DYNC1I1: variants seen among roughly 807,000 people sequenced by gnomAD.
DYNC1I1 encodes dynein cytoplasmic 1 intermediate chain 1.
A neutral mutation model predicts 86.6 loss-of-function variants in DYNC1I1; 43 were observed. The observed-to-expected ratio is 0.50, with a 90% CI of 0.39 to 0.64. DYNC1I1 has a LOEUF of 0.64. Among genes scored for constraint, DYNC1I1 ranks in the 30% least tolerant of loss-of-function variants. The pLI is 0.00. For missense variants in DYNC1I1, 604 were observed against 788.8 expected, an observed-to-expected ratio of 0.77 and a Z score of 2.81; for synonymous variants, 262 against 283.7, an observed-to-expected ratio of 0.92 and a Z score of 0.77.
chr7:95,806,534 G>A (rs1374924447), intron 2 of DYNC1I1, among the ~76,000 whole-genome samples: 1 of 152,148 alleles, frequency 6.6e-6, no homozygotes, highest in African/African-American at 2.4e-5. Flanking sequence ...AGACATTCCT[G>A]GTTGTTGCCT....
intron 6 of DYNC1I1, among the ~76,000 whole-genome samples, chr7:95,940,790 C>G (rs1792189705): frequency 6.6e-6 from 1 of 152,240 alleles, no homozygotes; most frequent in African/African-American, 2.4e-5. Context: ...AAGCCTTCTT[C>G]TCTCAACTTG....
chr7:96,031,505 C>G (rs182328651), intron 11 of DYNC1I1, among the ~76,000 whole-genome samples: 1 of 152,140 alleles, frequency 6.6e-6, no homozygotes, highest in Non-Finnish European at 1.5e-5. Flanking sequence ...CAGGATACTA[C>G]GAAAACTGGC....
chr7:96,032,797 C>T lies in DYNC1I1; in HGVS notation c.1230+17C>T. 5 of 1,582,884 alleles carry T rather than the reference C, an allele frequency of 3.2e-6. No homozygotes were observed. The East Asian group carries it at 1.1e-4, about 35-fold the overall frequency. On this transcript the variant is annotated intron_variant, in intron 12 of 16. Coordinates refer to ENST00000447467, the MANE Select transcript of DYNC1I1 (RefSeq NM_001135556.2). ...ACTCCACAGGTGGGTTTGTTTTTCC[C>T]TACACATAACACCATCCTGGTTAAA...
intron 1 of DYNC1I1, among the ~76,000 whole-genome samples, chr7:95,779,283 A>T (rs951637896): frequency 6.6e-6 from 1 of 152,200 alleles, no homozygotes; most frequent in Non-Finnish European, 1.5e-5. Context: ...AAAAAGCACA[A>T]CATCTAAGAG....
At chr7:96,081,025 G>A (rs994566142) in intron 16 of DYNC1I1, among the ~76,000 whole-genome samples, 1 of 141,616 alleles carries the variant, frequency 7.1e-6, no homozygotes, top group African/African-American at 2.8e-5. Context: ...AGCCGAGATT[G>A]CACCACTGCA....
chr7:95,855,786 A>G (rs544687946), intron 5 of DYNC1I1, among the ~76,000 whole-genome samples: 4 of 152,326 alleles, frequency 2.6e-5, no homozygotes, highest in Non-Finnish European at 5.9e-5. Context: ...CAGTAAAAAT[A>G]TGGTATAAAA....
At chr7:95,876,744 CA>C (rs1202865901) in intron 6 of DYNC1I1, among the ~76,000 whole-genome samples, 2 of 152,098 alleles carry the variant, frequency 1.3e-5, no homozygotes, top group East Asian at 3.9e-4. Flanking sequence ...TGGAGAGTAA[CA>C]ACTGATATGT....
At chr7:95,832,594 A>G (rs1788943704) in intron 5 of DYNC1I1, among the ~76,000 whole-genome samples, 1 of 152,086 alleles carries the variant, frequency 6.6e-6, no homozygotes, top group African/African-American at 2.4e-5. Flanking sequence ...AACAGTGTAA[A>G]AGTATTCCTA....
At chr7:96,063,105 A>ATG (rs1434101044) in intron 14 of DYNC1I1, among the ~76,000 whole-genome samples, 156 of 128,724 alleles carry the variant, frequency 1.2e-3, no homozygotes, top group African/African-American at 4.9e-3. Flanking sequence ...GTGTGTATAT[A>ATG]TATGTGTGTG....
intron 6 of DYNC1I1, among the ~76,000 whole-genome samples, chr7:95,953,128 G>A (rs967859631): frequency 1.3e-5 from 2 of 148,716 alleles, no homozygotes; most frequent in Admixed American, 1.4e-4. Flanking sequence ...TAGTTCTCAA[G>A]ATATACAGAG....
intron 6 of DYNC1I1, among the ~76,000 whole-genome samples, chr7:95,913,204 A>G (rs765607749): frequency 1.2e-4 from 19 of 152,228 alleles, no homozygotes; most frequent in Non-Finnish European, 2.1e-4. Flanking sequence ...TTGCATCTTC[A>G]TATTCATATA....
At chr7:95,804,200 A>G (rs918133685) in intron 1 of DYNC1I1, 4 of 237,274 alleles carry the variant, frequency 1.7e-5, no homozygotes, top group East Asian at 1.5e-4. Context: ...CCCTGATGCA[A>G]ATAATGTTAG....
intron 16 of DYNC1I1, among the ~76,000 whole-genome samples, 181 bp downstream of exon 16, chr7:96,080,669 T>C (rs543417399): frequency 1.3e-5 from 2 of 152,290 alleles, no homozygotes; most frequent in South Asian, 4.2e-4. Flanking sequence ...ATCTTCTGTC[T>C]CCATGCACAG....
At chr7:95,935,374 T>C (rs1056583009) in intron 6 of DYNC1I1, among the ~76,000 whole-genome samples, 1 of 152,216 alleles carries the variant, frequency 6.6e-6, no homozygotes, top group Middle Eastern at 3.4e-3. Flanking sequence ...TCCATTCAAA[T>C]GTCAATGAAC....
chr7:95,831,004 T>C (rs1227514), intron 5 of DYNC1I1, among the ~76,000 whole-genome samples: 82,286 of 151,962 alleles, frequency 0.54, 22,969 homozygotes, highest in African/African-American at 0.69. Context: ...TTATTTGCCA[T>C]ATGAGTATCC....
intron 14 of DYNC1I1, among the ~76,000 whole-genome samples, chr7:96,067,956 C>T (rs574402616): frequency 4.4e-4 from 67 of 152,096 alleles, no homozygotes; most frequent in South Asian, 1.2e-3. Context: ...AAGATATCCC[C>T]ACCCCACCTT....
At chr7:95,868,783 G>T (rs570075932) in intron 5 of DYNC1I1, among the ~76,000 whole-genome samples, 1 of 152,244 alleles carries the variant, frequency 6.6e-6, no homozygotes, top group Admixed American at 6.5e-5. Context: ...ATAACAATTA[G>T]AAAGTACCTC....
intron 6 of DYNC1I1, among the ~76,000 whole-genome samples, chr7:95,914,040 T>C (rs966296849): frequency 6.6e-6 from 1 of 152,198 alleles, no homozygotes; most frequent in Non-Finnish European, 1.5e-5. Flanking sequence ...ACCTGTTTCA[T>C]GGCCAGAGCT....
chr7:95,873,999 C>T (rs1366902019), intron 6 of DYNC1I1, among the ~76,000 whole-genome samples: 3 of 152,208 alleles, frequency 2.0e-5, no homozygotes, highest in African/African-American at 7.2e-5. Context: ...GTCCATGGGT[C>T]TATGCCTAGA....
Sources: allele counts gnomAD v4.1 joint callset (sites outside exome capture counted in the v4.1 genomes callset), GRCh38; gene constraint gnomAD v4.1.1; transcripts MANE v1.5; gene names NCBI Gene and HGNC (gene_info 2026-07-23, HGNC 2026-07-21).